The following ARIH1 variants were observed in gnomAD, a reference collection of about 807,000 sequenced individuals.
ARIH1 encodes the protein ariadne RBR E3 ubiquitin protein ligase 1.
A neutral mutation model predicts 85.0 loss-of-function variants in ARIH1; 8 were observed. That is an observed-to-expected ratio of 0.09 (90% CI 0.06 to 0.17). The LOEUF is 0.17. ARIH1 is among the 10% of genes least tolerant of loss of function. The probability of loss-of-function intolerance (pLI) is 1.00; values close to 1 mark genes in which losing one functional copy is unlikely to be tolerated. For missense variants in ARIH1, 311 were observed against 718.1 expected (o/e 0.43, Z 6.48); for synonymous variants, 238 against 253.6 (o/e 0.94, Z 0.59).
At chr15:72,546,333 G>T (rs2064128772) in intron 3 of ARIH1, among the ~76,000 whole-genome samples, 1 of 152,176 alleles carries the variant, frequency 6.6e-6, no homozygotes, top group Non-Finnish European at 1.5e-5. Flanking sequence ...AGTTTTAAAA[G>T]AAAATAAAGT....
At chr15:72,498,096 A>G (rs1218303565) in intron 1 of ARIH1, among the ~76,000 whole-genome samples, 2 of 152,300 alleles carry the variant, frequency 1.3e-5, no homozygotes, top group South Asian at 2.1e-4. Context: ...TAGGTATTTA[A>G]TGCTCCACTA....
intron 6 of ARIH1, 77 bp from the exon 7 acceptor site, chr15:72,563,317 C>T (rs183269938): frequency 1.7e-5 from 22 of 1,324,074 alleles, no homozygotes; most frequent in Non-Finnish European, 2.3e-5. Context: ...CCTTGGCCTC[C>T]CTAAGTTCTG....
In ARIH1 at chr15:72,488,736, A is replaced by T. The variant is rs1287256297; in HGVS notation, c.375+13722A>T. Among the ~76,000 whole-genome samples the T allele has an allele frequency of 3.9e-5, 6 of 152,368 alleles. No homozygotes were observed. The East Asian group carries it at 1.2e-3, about 29-fold the overall frequency. ...TCCTTGTGGTAAACCAAAGGGATCCAGACAAGATTTTCTTCTGGCACTAAC... is the reference window on the plus strand; with the variant it reads ...TCCTTGTGGTAAACCAAAGGGATCCTGACAAGATTTTCTTCTGGCACTAAC... On this transcript the variant is annotated intron_variant, in intron 1 of 13. Transcript: ENST00000379887.
intron 1 of ARIH1, among the ~76,000 whole-genome samples, chr15:72,484,561 C>T (rs1370792751): frequency 6.6e-6 from 1 of 151,886 alleles, no homozygotes; most frequent in Admixed American, 6.6e-5. Context: ...AATAATAAGT[C>T]TCCAATCCCA....
chr15:72,532,576 C>G (rs2064062301), intron 2 of ARIH1, among the ~76,000 whole-genome samples: 1 of 152,036 alleles, frequency 6.6e-6, no homozygotes, highest in Non-Finnish European at 1.5e-5. Flanking sequence ...ATATCATAAC[C>G]TTTATACCAA....
At chr15:72,529,633 G>A (rs1462299494) in intron 2 of ARIH1, among the ~76,000 whole-genome samples, 1 of 152,180 alleles carries the variant, frequency 6.6e-6, no homozygotes, top group Non-Finnish European at 1.5e-5. Flanking sequence ...TGGCTCCATG[G>A]TACTTAGAGA....
intron 1 of ARIH1, among the ~76,000 whole-genome samples, chr15:72,511,397 G>A (rs928164693): frequency 1.3e-5 from 2 of 152,010 alleles, no homozygotes; most frequent in African/African-American, 2.4e-5. Context: ...TCCGCTTCCC[G>A]GGTTCAAGTG....
At chr15:72,544,555 C>CAT (rs752152490) in intron 2 of ARIH1, among the ~76,000 whole-genome samples, 5 of 149,892 alleles carry the variant, frequency 3.3e-5, no homozygotes, top group Non-Finnish European at 7.4e-5. Flanking sequence ...TACATACATA[C>CAT]ACACACACAC....
intron 2 of ARIH1, among the ~76,000 whole-genome samples, chr15:72,521,407 T>A (rs887467806): frequency 6.6e-6 from 1 of 152,158 alleles, no homozygotes; most frequent in Non-Finnish European, 1.5e-5. Flanking sequence ...GTTGGGCCCT[T>A]TAAGTCTGAC....
chr15:72,529,538 A>G (rs916075925), intron 2 of ARIH1, among the ~76,000 whole-genome samples: 4 of 152,252 alleles, frequency 2.6e-5, no homozygotes, highest in Non-Finnish European at 5.9e-5. Flanking sequence ...TGTTTAAGAC[A>G]TTGAGCAGGA....
rs903799608 is a variant in ARIH1, at chr15:72,598,979, C to A, written c.*15687C>A. On this transcript the variant is annotated 3_prime_UTR_variant, in exon 14 of 14. Transcript: ENST00000379887. Reference sequence around the variant, plus strand: ...GGGATTAAAGGCATGAGCCACCATGCCTGGTTAGGAATGGGAGTTTAAACA... The same window carrying A: ...GGGATTAAAGGCATGAGCCACCATGACTGGTTAGGAATGGGAGTTTAAACA... 1 of 151,722 alleles carries A rather than the reference C, an allele frequency of 6.6e-6. No individual in the cohort carries two copies. Among genetic ancestry groups the A allele is most frequent in the African/African-American group, 2.4e-5 (1 of 41,328 alleles). The allele number at this position is 151,722 out of a possible 1,614,324, so 9.4% of individuals were successfully genotyped here. A position where few individuals can be genotyped will look rare whatever the true frequency, so the allele number is the denominator to read the frequency against.
intron 1 of ARIH1, among the ~76,000 whole-genome samples, chr15:72,491,097 C>T (rs1355769157): frequency 6.6e-6 from 1 of 152,064 alleles, no homozygotes; most frequent in African/African-American, 2.4e-5. Flanking sequence ...GGCTGGATGA[C>T]AGAGTAAGAC....
At chr15:72,560,161 T>C (rs184641714) in intron 5 of ARIH1, among the ~76,000 whole-genome samples, 1 of 152,318 alleles carries the variant, frequency 6.6e-6, no homozygotes, top group East Asian at 1.9e-4. Flanking sequence ...ACAGGCGTAC[T>C]GGACACCTGG....
At chr15:72,518,914 G>C (rs1403333210) in intron 2 of ARIH1, among the ~76,000 whole-genome samples, 1 of 152,098 alleles carries the variant, frequency 6.6e-6, no homozygotes, top group Non-Finnish European at 1.5e-5. Flanking sequence ...GCTTGGACTG[G>C]TTCTCTGGTT....
chr15:72,474,629 C>A lies in ARIH1; in HGVS notation c.-11C>A. 6.6e-7 allele frequency: 1 copy of A among 1,513,226 alleles called. No individual in the cohort carries two copies. Among genetic ancestry groups the A allele is most frequent in the East Asian group, 2.8e-5 (1 of 36,086 alleles). 93.7% of individuals were successfully genotyped at this position (1,513,226 alleles called of 1,614,324 possible). On this transcript the variant is annotated 5_prime_UTR_variant, in exon 1 of 14. Transcript: ENST00000379887. ...TCGGCCAGCGTCCGCCGGGCCCCCG[C>A]GCGTCGCGCCATGGACTCGGACGAG... is the stretch of plus-strand genomic sequence containing the variant.
In ARIH1 at chr15:72,597,355, CTT is replaced by C. The variant is rs2064367130; in HGVS notation, c.*14065_*14066del. 6.6e-6 allele frequency: 1 copy of C among 152,054 alleles called. No homozygotes were observed. Among genetic ancestry groups the C allele is most frequent in the African/African-American group, 2.4e-5 (1 of 41,390 alleles). 9.4% of individuals were successfully genotyped at this position (152,054 alleles called of 1,614,324 possible). A position where few individuals can be genotyped will look rare whatever the true frequency, so the allele number is the denominator to read the frequency against. ...CATTGGCAAGATTCCAGAGATCTGA[CTT>C]TGCTTCATAGCTAAGCCACCAGCTT... is the stretch of plus-strand genomic sequence containing the variant. On this transcript the variant is annotated 3_prime_UTR_variant, in exon 14 of 14. Transcript: ENST00000379887.
chr15:72,545,274 T>C (rs1412847920), intron 3 of ARIH1, among the ~76,000 whole-genome samples: 1 of 152,208 alleles, frequency 6.6e-6, no homozygotes, highest in Non-Finnish European at 1.5e-5. Context: ...GTAGAATTCT[T>C]TCTCATCCAA....
At chr15:72,500,614 A>C (rs757879276) in intron 1 of ARIH1, among the ~76,000 whole-genome samples, 2 of 152,238 alleles carry the variant, frequency 1.3e-5, no homozygotes, top group African/African-American at 2.4e-5. Flanking sequence ...AACAATGGAT[A>C]TAACTTAAAA....
chr15:72,494,048 C>T (rs1315465298), intron 1 of ARIH1, among the ~76,000 whole-genome samples: 1 of 152,122 alleles, frequency 6.6e-6, no homozygotes, highest in African/African-American at 2.4e-5. Context: ...GAACCCTTCC[C>T]TAACCTGATT....
Sources: gnomAD v4.1 joint callset for allele counts (sites outside exome capture counted in the v4.1 genomes callset) on GRCh38, gnomAD v4.1.1 for gene constraint, MANE v1.5 for transcripts, NCBI Gene and HGNC (gene_info 2026-07-23, HGNC 2026-07-21) for gene names.